The following KAZN variants were observed in gnomAD, a reference collection of about 807,000 sequenced individuals.
KAZN encodes the protein kazrin.
In KAZN, 40 loss-of-function variants were observed where a neutral mutation model predicts 87.4. That is an observed-to-expected ratio of 0.46 (90% confidence interval 0.36 to 0.60). The LOEUF (loss-of-function observed/expected upper bound fraction) is 0.60. KAZN is among the 20% of genes least tolerant of loss of function. The pLI, the probability that KAZN is intolerant of heterozygous loss-of-function variation, is 0.00. For missense variants in KAZN, 898 were observed against 1,073.9 expected, an observed-to-expected ratio of 0.84 and a Z score of 2.29; for synonymous variants, 466 against 458.3, an observed-to-expected ratio of 1.02 and a Z score of -0.22.
chr1:14,009,212 C>T (rs1640173146), intron 1 of KAZN, among the ~76,000 whole-genome samples: 1 of 152,188 alleles, frequency 6.6e-6, no homozygotes, highest in Non-Finnish European at 1.5e-5. Flanking sequence ...TGTTGATAAA[C>T]ATTTGGGTTT....
chr1:14,928,444 G>T (rs912023278), intron 1 of KAZN, among the ~76,000 whole-genome samples: 1 of 137,988 alleles, frequency 7.2e-6, no homozygotes, highest in Non-Finnish European at 1.5e-5. Context: ...GCGAGACTCA[G>T]TCTCAAAAAA....
intron 1 of KAZN, among the ~76,000 whole-genome samples, chr1:14,041,883 AG>A (rs1482460393): frequency 6.6e-6 from 1 of 152,142 alleles, no homozygotes; most frequent in African/African-American, 2.4e-5. Context: ...ACAATTCTGA[AG>A]GTATTGTTTA....
chr1:13,927,375 G>A (rs916473389), intron 1 of KAZN, among the ~76,000 whole-genome samples: 2 of 152,136 alleles, frequency 1.3e-5, no homozygotes, highest in African/African-American at 4.8e-5. Flanking sequence ...GCTTAAAATG[G>A]GGCCTGGGAG....
At chr1:14,281,300 G>A (rs921530964) in intron 2 of KAZN, among the ~76,000 whole-genome samples, 2 of 152,136 alleles carry the variant, frequency 1.3e-5, no homozygotes, top group African/African-American at 2.4e-5. Flanking sequence ...AGGCAATTGA[G>A]GTGCACATAT....
At chr1:14,077,137 G>GA (rs1243721933) in intron 1 of KAZN, among the ~76,000 whole-genome samples, 1 of 152,106 alleles carries the variant, frequency 6.6e-6, no homozygotes, top group Non-Finnish European at 1.5e-5. Context: ...CAGTTTCTCA[G>GA]AACTCAGCCT....
chr1:14,894,659 C>A (rs1304443391), intron 1 of KAZN, among the ~76,000 whole-genome samples: 1 of 152,226 alleles, frequency 6.6e-6, no homozygotes, highest in Non-Finnish European at 1.5e-5. Context: ...AGACTCTAAG[C>A]TTCTTGAACC....
chr1:14,207,510 A>G (rs929365677), intron 2 of KAZN, among the ~76,000 whole-genome samples: 4 of 152,194 alleles, frequency 2.6e-5, no homozygotes, highest in African/African-American at 4.8e-5. Flanking sequence ...CTTGCACAAT[A>G]TGATCTCACT....
At chr1:14,350,571 G>A (rs1361962652) in intron 2 of KAZN, among the ~76,000 whole-genome samples, 1 of 152,204 alleles carries the variant, frequency 6.6e-6, no homozygotes, top group Non-Finnish European at 1.5e-5. Context: ...GGTGCTACTG[G>A]TATCTGGCAA....
chr1:14,412,194 G>A (rs947781651), intron 2 of KAZN, among the ~76,000 whole-genome samples: 1 of 151,982 alleles, frequency 6.6e-6, no homozygotes, highest in Non-Finnish European at 1.5e-5. Flanking sequence ...AATGCATCAG[G>A]GCATAAATCT....
At chr1:14,956,445 C>G (rs1156343373) in intron 1 of KAZN, among the ~76,000 whole-genome samples, 1 of 151,588 alleles carries the variant, frequency 6.6e-6, no homozygotes, top group Non-Finnish European at 1.5e-5. Flanking sequence ...ACTAAAAATA[C>G]AAAAAATTAC....
chr1:14,221,065 T>C (rs987312068), intron 2 of KAZN, among the ~76,000 whole-genome samples: 9 of 152,152 alleles, frequency 5.9e-5, no homozygotes, highest in African/African-American at 2.2e-4. Flanking sequence ...AGGAGTTCAC[T>C]GTCTAGGTCA....
intron 1 of KAZN, among the ~76,000 whole-genome samples, chr1:14,625,121 A>G (rs531784257): frequency 6.6e-6 from 1 of 152,318 alleles, no homozygotes; most frequent in South Asian, 2.1e-4. Flanking sequence ...CCGCGTAGTC[A>G]TCATGGAAGA....
intron 1 of KAZN, among the ~76,000 whole-genome samples, chr1:14,617,143 C>T (rs1678313208): frequency 6.6e-6 from 1 of 152,182 alleles, no homozygotes; most frequent in African/African-American, 2.4e-5. Flanking sequence ...CTTGTTGGGT[C>T]CCATAACAGA....
upstream of KAZN, among the ~76,000 whole-genome samples, chr1:14,594,234 G>A (rs796730497): frequency 2.0e-5 from 3 of 152,272 alleles, no homozygotes; most frequent in African/African-American, 7.2e-5. Context: ...ATATTATGAG[G>A]TCACTCTATT....
intron 14 of KAZN, chr1:15,112,919 C>A: frequency 5.5e-6 from 1 of 180,974 alleles, no homozygotes; most frequent in East Asian, 1.3e-4. Flanking sequence ...AGGGTTCCGG[C>A]GCAGCCCCAA....
chr1:14,743,329 C>T (rs1334909003), intron 1 of KAZN, among the ~76,000 whole-genome samples: 1 of 151,816 alleles, frequency 6.6e-6, no homozygotes, highest in Non-Finnish European at 1.5e-5. Context: ...ACTCTGGAGG[C>T]TGAGGCAGGA....
intron 1 of KAZN, among the ~76,000 whole-genome samples, chr1:13,932,360 A>G (rs1315568544): frequency 6.9e-6 from 1 of 145,632 alleles, no homozygotes; most frequent in East Asian, 2.0e-4. Flanking sequence ...TCCCGGGTTC[A>G]TGCCATTCTC....
intron 8 of KAZN, among the ~76,000 whole-genome samples, chr1:15,090,876 A>G (rs1640502367): frequency 6.6e-6 from 1 of 152,158 alleles, no homozygotes. Flanking sequence ...GGTGTTTGGG[A>G]GACAGGTTTT....
chr1:14,824,054 C>T (rs1390161259), intron 1 of KAZN, among the ~76,000 whole-genome samples: 2 of 148,232 alleles, frequency 1.3e-5, no homozygotes, highest in East Asian at 4.0e-4. Context: ...GCGGAGGTTG[C>T]AGTGAGCCGA....
Sources: allele counts gnomAD v4.1 joint callset (sites outside exome capture counted in the v4.1 genomes callset), GRCh38; gene constraint gnomAD v4.1.1; transcripts MANE v1.5; gene names NCBI Gene and HGNC (gene_info 2026-07-23, HGNC 2026-07-21).